Variants in ALS2 observed in about 807,000 individuals in gnomAD.
The protein encoded by ALS2 is alsin Rho guanine nucleotide exchange factor ALS2, also known as alsin.
In ALS2, 117 loss-of-function variants were observed where a neutral mutation model predicts 203.4. The observed-to-expected ratio is 0.58, with a 90% CI of 0.50 to 0.67. The LOEUF (loss-of-function observed/expected upper bound fraction) is 0.67, where lower values mean the gene tolerates loss of function less well. Among genes scored for constraint, ALS2 ranks in the 30% least tolerant of loss-of-function variants. The pLI is 0.00. For synonymous variants in ALS2, 718 were observed against 725.9 expected (o/e 0.99, Z 0.17); for missense variants, 1,715 against 1,989.4 (o/e 0.86, Z 2.62).
chr2:201,729,137 T>G lies in ALS2; in HGVS notation c.2627A>C (p.Glu876Ala). ...CCTGCCGAGATGGAGAGCAAGACAC[T>G]CATAACAAGAACTGGAATCCTGCAG... Reference protein sequence around the residue: ...QKLQDSSSCYECLALHLGRKR... With the variant: ...QKLQDSSSCYACLALHLGRKR... Residue 876 changes from glutamate (E) to alanine (A), a missense_variant, in exon 14 of 34, where the codon GAG (glutamate) becomes GCG (alanine). By Grantham distance (107) the Glu-to-Ala change is moderately radical. This residue lies in a region of ALS2 where 1,227 missense variants were observed against 1,413.5 expected (regional missense o/e 0.87). Transcript: ENST00000264276. 1 of 1,613,276 alleles carries G rather than the reference T, an allele frequency of 6.2e-7. No homozygotes were observed. Among genetic ancestry groups the G allele is most frequent in the Non-Finnish European group, 8.5e-7 (1 of 1,179,888 alleles).
intron 13 of ALS2, among the ~76,000 whole-genome samples, chr2:201,732,399 CAA>C (rs11288102): frequency 2.0e-3 from 172 of 85,120 alleles, no homozygotes; most frequent in African/African-American, 3.2e-3. Flanking sequence ...ACTAAAAATA[CAA>C]AAAAAAAAAA....
chr2:201,776,534 C>A (rs73055633), intron 1 of ALS2, among the ~76,000 whole-genome samples: 1,900 of 152,222 alleles, frequency 0.012, 41 homozygotes, highest in African/African-American at 0.044. Context: ...AAATGAATTT[C>A]AAATTCCCAG....
At chr2:201,772,689 A>G (rs915559288) in intron 1 of ALS2, among the ~76,000 whole-genome samples, 1 of 152,170 alleles carries the variant, frequency 6.6e-6, no homozygotes, top group Non-Finnish European at 1.5e-5. Context: ...AGGAATCTAT[A>G]TTCAAAAACA....
At chr2:201,707,079 G>C in intron 28 of ALS2, 57 bp from the exon 29 acceptor site, 1 of 1,508,210 alleles carries the variant, frequency 6.6e-7, no homozygotes, top group South Asian at 1.2e-5. Flanking sequence ...ATTGAATACA[G>C]AATCCAAGGT....
chr2:201,744,201 G>C (rs1692477164), intron 10 of ALS2, 57 bp downstream of exon 10: 1 of 1,538,220 alleles, frequency 6.5e-7, no homozygotes, highest in Non-Finnish European at 9.0e-7. Context: ...TGTGACATAG[G>C]AAGAAGAGAT....
chr2:201,728,412 A>C (rs1691331537), intron 15 of ALS2, 100 bp downstream of exon 15: 1 of 1,511,458 alleles, frequency 6.6e-7, no homozygotes. Context: ...CAACAGTTTC[A>C]GTAAAATCAC....
At chr2:201,739,560 T>C (rs1374076467) in intron 11 of ALS2, among the ~76,000 whole-genome samples, 1 of 151,882 alleles carries the variant, frequency 6.6e-6, no homozygotes, top group African/African-American at 2.4e-5. Flanking sequence ...CTGGCCAACA[T>C]GGTGAAACCC....
chr2:201,718,459 C>T (rs1690549754), intron 23 of ALS2, among the ~76,000 whole-genome samples: 1 of 152,012 alleles, frequency 6.6e-6, no homozygotes, highest in South Asian at 2.1e-4. Flanking sequence ...CGGGGTTTCA[C>T]CATGTTGGCC....
At chr2:201,712,797 G>A (rs1242136925) in intron 25 of ALS2, among the ~76,000 whole-genome samples, 1 of 151,746 alleles carries the variant, frequency 6.6e-6, no homozygotes, top group Non-Finnish European at 1.5e-5. Context: ...TTTTAAAAAG[G>A]AGAAAAAGAG....
chr2:201,741,533 G>A, intron 11 of ALS2, 141 bp downstream of exon 11: 1 of 875,976 alleles, frequency 1.1e-6, no homozygotes. Context: ...AACTATAGTT[G>A]GCTTAAGATT....
At chr2:201,742,238 T>C (rs2106045899) in intron 10 of ALS2, among the ~76,000 whole-genome samples, 1 of 152,340 alleles carries the variant, frequency 6.6e-6, no homozygotes, top group Non-Finnish European at 1.5e-5. Context: ...CACTGATTAG[T>C]GACAGTCAGG....
rs1469611771 is a variant in ALS2 at position 201,728,613 on chromosome 2, G to A, written c.2740C>T (p.Leu914=). The change falls in exon 15 of 34, where the codon CTG becomes TTG. Residue 914 remains leucine (L), a synonymous_variant. Transcript: ENST00000264276. The part of the protein sequence containing the change: ...TDSLRKPERR[L]LCESSNRALS... ...GCTCGGTTACTACTCTCACACAGCA[G>A]TCGACGCTCTGGCTTCCTCAAGGAA... The A allele has an allele frequency of 6.2e-7, 1 of 1,614,070 alleles. No individual in the cohort carries two copies. Among genetic ancestry groups the A allele is most frequent in the Non-Finnish European group, 8.5e-7 (1 of 1,179,994 alleles).
intron 3 of ALS2, 118 bp from the exon 4 acceptor site, chr2:201,761,936 T>G: frequency 1.7e-6 from 2 of 1,150,434 alleles, no homozygotes; most frequent in Non-Finnish European, 2.5e-6. Context: ...CTTTTTAAAT[T>G]TTCAAAAGCA....
chr2:201,725,570 G>C, intron 19 of ALS2, 116 bp from the exon 20 acceptor site: 1 of 896,938 alleles, frequency 1.1e-6, no homozygotes, highest in African/African-American at 1.6e-5. Context: ...TTCACCTGTA[G>C]GAGTAAAGGG....
At chr2:201,714,080 G>A (rs896998648) in intron 25 of ALS2, among the ~76,000 whole-genome samples, 4 of 152,118 alleles carry the variant, frequency 2.6e-5, no homozygotes, top group South Asian at 2.1e-4. Flanking sequence ...ACAGGAGTTC[G>A]AGACCAGCCT....
intron 3 of ALS2, among the ~76,000 whole-genome samples, chr2:201,766,830 A>ACTATC (rs1694110749): frequency 6.7e-6 from 1 of 149,166 alleles, no homozygotes; most frequent in Non-Finnish European, 1.5e-5. Context: ...TTCTCAGCAA[A>ACTATC]CTATCGCAAG....
At chr2:201,723,502 C>T in intron 21 of ALS2, 61 bp from the exon 22 acceptor site, 4 of 1,383,262 alleles carry the variant, frequency 2.9e-6, no homozygotes, top group East Asian at 2.3e-5. Flanking sequence ...AGGGAAAAGA[C>T]AATTATCACA....
chr2:201,732,231 A>T (rs1303358945), intron 13 of ALS2, among the ~76,000 whole-genome samples: 1 of 152,074 alleles, frequency 6.6e-6, no homozygotes, highest in Non-Finnish European at 1.5e-5. Flanking sequence ...GTTTAGATCA[A>T]GAGACAGACC....
intron 25 of ALS2, among the ~76,000 whole-genome samples, chr2:201,714,638 A>ACAG (rs1690251051): frequency 6.6e-6 from 1 of 152,156 alleles, no homozygotes; most frequent in African/African-American, 2.4e-5. Flanking sequence ...AATCCCTAAA[A>ACAG]CAGCAGATAT....
Sources: allele counts gnomAD v4.1 joint callset (sites outside exome capture counted in the v4.1 genomes callset), GRCh38; gene constraint gnomAD v4.1.1; regional missense constraint gnomAD v4.1.1; transcripts MANE v1.5; gene names NCBI Gene and HGNC (gene_info 2026-07-23, HGNC 2026-07-21).